DYM: variants seen among roughly 807,000 people sequenced by gnomAD.
DYM encodes the protein dyggve-Melchior-Clausen syndrome protein.
DYM carries 78 observed loss-of-function variants against 93.1 expected under a neutral mutation model. That is an observed-to-expected ratio of 0.84 (90% CI 0.70 to 1.01). The LOEUF (loss-of-function observed/expected upper bound fraction) is 1.01. Among genes scored for constraint, DYM ranks in the 50% least tolerant of loss-of-function variants. The probability of loss-of-function intolerance (pLI) is 0.00; values close to 1 mark genes in which losing one functional copy is unlikely to be tolerated. For synonymous variants in DYM, 321 were observed against 319.7 expected (o/e 1.00, Z -0.04); for missense variants, 789 against 845.0 (o/e 0.93, Z 0.82).
At chr18:49,193,249 C>G (rs972425033) in intron 14 of DYM, among the ~76,000 whole-genome samples, 2 of 151,272 alleles carry the variant, frequency 1.3e-5, no homozygotes, top group African/African-American at 4.9e-5. Flanking sequence ...GTGGCTATTA[C>G]AGAGTAAGAG....
intron 17 of DYM, among the ~76,000 whole-genome samples, chr18:49,056,977 G>C (rs1026452545): frequency 6.6e-6 from 1 of 152,238 alleles, no homozygotes; most frequent in African/African-American, 2.4e-5. Flanking sequence ...CTACAGGTAT[G>C]AGCCATGGCC....
At chr18:49,299,219 C>A (rs1174610509) in intron 8 of DYM, among the ~76,000 whole-genome samples, 1 of 152,136 alleles carries the variant, frequency 6.6e-6, no homozygotes, top group African/African-American at 2.4e-5. Flanking sequence ...ACTAGCACAT[C>A]AATCTCAGAA....
At chr18:49,152,792 T>A (rs2085966003) in intron 15 of DYM, among the ~76,000 whole-genome samples, 1 of 152,128 alleles carries the variant, frequency 6.6e-6, no homozygotes, top group Non-Finnish European at 1.5e-5. Context: ...CATTTAGCCA[T>A]AAATAAGGAG....
intron 8 of DYM, among the ~76,000 whole-genome samples, chr18:49,305,426 T>G (rs1047026861): frequency 6.6e-6 from 1 of 152,162 alleles, no homozygotes; most frequent in African/African-American, 2.4e-5. Flanking sequence ...CTCTTTAAAC[T>G]TCTAACAACA....
intron 14 of DYM, among the ~76,000 whole-genome samples, chr18:49,205,598 T>C (rs969065566): frequency 6.6e-6 from 1 of 152,140 alleles, no homozygotes; most frequent in Non-Finnish European, 1.5e-5. Flanking sequence ...AAGAAGATAA[T>C]AAAAAGACTG....
chr18:49,103,775 C>G (rs1013014468), intron 16 of DYM, among the ~76,000 whole-genome samples: 91 of 152,134 alleles, frequency 6.0e-4, no homozygotes, highest in Non-Finnish European at 9.3e-4. Context: ...GTCTATGTCT[C>G]TGTTTTGGTA....
At chr18:49,146,726 A>G (rs893839063) in intron 15 of DYM, among the ~76,000 whole-genome samples, 1 of 152,184 alleles carries the variant, frequency 6.6e-6, no homozygotes, top group South Asian at 2.1e-4. Context: ...ACATTCTATG[A>G]TCATGGGTAG....
chr18:49,348,490 T>G (rs1400281298), intron 6 of DYM, among the ~76,000 whole-genome samples: 1 of 152,160 alleles, frequency 6.6e-6, no homozygotes, highest in Non-Finnish European at 1.5e-5. Context: ...AAATGTGGAT[T>G]TTAGTCTCAG....
rs545980789 is a variant in DYM, at chr18:49,338,499, T to C, written c.495-4646A>G. On this transcript the variant is annotated intron_variant, in intron 6 of 17. Coordinates refer to ENST00000675505, the MANE Select transcript of DYM (RefSeq NM_001353214.3). ...GAATGAAGAGGGGCACTTTCCCTAC[T>C]GGATATCAAGCCACTCTATACAGCT... Among the ~76,000 whole-genome samples the C allele has an allele frequency of 2.0e-5, 3 of 152,298 alleles. No individual in the cohort carries two copies. In the East Asian group the frequency reaches 5.8e-4, roughly 29 times the overall value.
intron 2 of DYM, among the ~76,000 whole-genome samples, chr18:49,424,821 G>A (rs2074101932): frequency 6.6e-6 from 1 of 152,036 alleles, no homozygotes; most frequent in South Asian, 2.1e-4. Context: ...AAATACCTAG[G>A]AATCCAACTT....
intron 13 of DYM, among the ~76,000 whole-genome samples, chr18:49,217,003 C>T (rs965319218): frequency 4.0e-5 from 6 of 151,810 alleles, no homozygotes; most frequent in Non-Finnish European, 5.9e-5. Flanking sequence ...TTAAATACTT[C>T]GAAAAAAATT....
intron 6 of DYM, among the ~76,000 whole-genome samples, chr18:49,339,075 A>G (rs2063880281): frequency 6.6e-6 from 1 of 152,214 alleles, no homozygotes; most frequent in Non-Finnish European, 1.5e-5. Context: ...CAAAAGATAT[A>G]AACAGGCAAT....
chr18:49,299,845 C>A (rs975151089), intron 8 of DYM, among the ~76,000 whole-genome samples: 5 of 151,522 alleles, frequency 3.3e-5, no homozygotes, highest in African/African-American at 1.2e-4. Flanking sequence ...AGATCAACAC[C>A]ATCCTGGCTA....
intron 13 of DYM, among the ~76,000 whole-genome samples, chr18:49,222,846 T>A (rs1598740805): frequency 6.6e-6 from 1 of 152,242 alleles, no homozygotes; most frequent in African/African-American, 2.4e-5. Flanking sequence ...ATATGGTAAC[T>A]AGAAATTTGC....
intron 15 of DYM, among the ~76,000 whole-genome samples, chr18:49,127,051 T>C (rs1399207853): frequency 1.3e-5 from 2 of 152,206 alleles, no homozygotes; most frequent in Non-Finnish European, 1.5e-5. Flanking sequence ...TTGTCAGAGG[T>C]AGAATCTGCT....
intron 15 of DYM, among the ~76,000 whole-genome samples, chr18:49,156,416 C>T (rs1272387019): frequency 1.3e-5 from 2 of 151,574 alleles, no homozygotes; most frequent in Non-Finnish European, 2.9e-5. Context: ...ACTCAAACCA[C>T]GCCCCCCCCT....
chr18:49,442,962 A>G (rs1184000501), intron 1 of DYM, among the ~76,000 whole-genome samples: 1 of 151,662 alleles, frequency 6.6e-6, no homozygotes, highest in East Asian at 1.9e-4. Context: ...GGTTCAAGCA[A>G]TCCTCTCATC....
At chr18:49,369,914 G>A (rs1262894642) in intron 5 of DYM, among the ~76,000 whole-genome samples, 1 of 152,170 alleles carries the variant, frequency 6.6e-6, no homozygotes, top group Non-Finnish European at 1.5e-5. Context: ...CTGGGCAGCT[G>A]ATCTGCTGCC....
chr18:49,277,430 A>G (rs143114094), intron 10 of DYM, among the ~76,000 whole-genome samples: 1 of 152,302 alleles, frequency 6.6e-6, no homozygotes, highest in East Asian at 1.9e-4. Context: ...GCAGAGTACA[A>G]TGATTGGAAA....
Sources: gnomAD v4.1 joint callset for allele counts (sites outside exome capture counted in the v4.1 genomes callset) on GRCh38, gnomAD v4.1.1 for gene constraint, MANE v1.5 for transcripts, NCBI Gene and HGNC (gene_info 2026-07-23, HGNC 2026-07-21) for gene names.